Variants in DACH1 observed in about 807,000 individuals in gnomAD.
DACH1 encodes the protein dachshund family transcription factor 1.
In DACH1, 12 loss-of-function variants were observed where a neutral mutation model predicts 54.2. The observed-to-expected ratio is 0.22, with a 90% CI of 0.14 to 0.36. DACH1 has a LOEUF of 0.36. DACH1 is among the 10% of genes least tolerant of loss of function. The pLI is 1.00. For synonymous variants in DACH1, 386 were observed against 366.2 expected, an observed-to-expected ratio of 1.05 and a Z score of -0.62; for missense variants, 805 against 929.8, an observed-to-expected ratio of 0.87 and a Z score of 1.75.
chr13:71,795,719 C>T (rs1477468707), intron 1 of DACH1, among the ~76,000 whole-genome samples: 1 of 152,114 alleles, frequency 6.6e-6, no homozygotes, highest in African/African-American at 2.4e-5. Flanking sequence ...CTTTCCAAGC[C>T]ACTTGTATGA....
At chr13:71,719,821 C>T (rs145010734) in intron 1 of DACH1, among the ~76,000 whole-genome samples, 22 of 152,118 alleles carry the variant, frequency 1.4e-4, no homozygotes, top group Non-Finnish European at 2.1e-4. Context: ...GCTGTGATCA[C>T]GCCACTGCAC....
intron 1 of DACH1, among the ~76,000 whole-genome samples, chr13:71,722,748 T>C: frequency 6.6e-6 from 1 of 152,154 alleles, no homozygotes; most frequent in Non-Finnish European, 1.5e-5. Flanking sequence ...GGTCAGAAGG[T>C]ACAGGTTTCA....
intron 1 of DACH1, among the ~76,000 whole-genome samples, chr13:71,824,124 G>A (rs1178881986): frequency 6.6e-6 from 1 of 151,800 alleles, no homozygotes; most frequent in Non-Finnish European, 1.5e-5. Context: ...TACCTACGTT[G>A]AGACTCTTCA....
At chr13:71,826,778 C>T (rs1888401695) in intron 1 of DACH1, among the ~76,000 whole-genome samples, 1 of 151,984 alleles carries the variant, frequency 6.6e-6, no homozygotes, top group African/African-American at 2.4e-5. Context: ...CAGAAATTGC[C>T]ACTTTCTTAA....
chr13:71,623,138 GA>G (rs1271358766), intron 3 of DACH1, among the ~76,000 whole-genome samples: 1 of 151,534 alleles, frequency 6.6e-6, no homozygotes, highest in South Asian at 2.1e-4. Flanking sequence ...ATTTCAAAGT[GA>G]AAAATGATTT....
At chr13:71,574,773 A>C (rs1404346603) in intron 3 of DACH1, among the ~76,000 whole-genome samples, 3 of 152,080 alleles carry the variant, frequency 2.0e-5, no homozygotes, top group Non-Finnish European at 4.4e-5. Flanking sequence ...TTTTACAAGA[A>C]ACCATGACAG....
At chr13:71,600,123 C>T (rs556725085) in intron 3 of DACH1, among the ~76,000 whole-genome samples, 56 of 152,090 alleles carry the variant, frequency 3.7e-4, no homozygotes, top group African/African-American at 1.3e-3. Flanking sequence ...TTCAGATATG[C>T]TTGATCAATA....
chr13:71,594,195 G>A (rs920984016), intron 3 of DACH1, among the ~76,000 whole-genome samples: 4 of 151,392 alleles, frequency 2.6e-5, no homozygotes, highest in Admixed American at 6.6e-5. Context: ...AAAGTCTTGG[G>A]ATTCTATCTG....
chr13:71,464,224 A>C (rs1876352139), intron 10 of DACH1, among the ~76,000 whole-genome samples: 1 of 151,996 alleles, frequency 6.6e-6, no homozygotes, highest in Non-Finnish European at 1.5e-5. Context: ...TAACATTGTC[A>C]TTAAAAAAAA....
At chr13:71,690,821 A>T (rs1434581536) in intron 1 of DACH1, among the ~76,000 whole-genome samples, 1 of 151,972 alleles carries the variant, frequency 6.6e-6, no homozygotes, top group Non-Finnish European at 1.5e-5. Context: ...AGTCCCAGCT[A>T]CTCAAGAGGC....
chr13:71,542,063 C>A (rs1355134055), intron 6 of DACH1, among the ~76,000 whole-genome samples: 1 of 150,716 alleles, frequency 6.6e-6, no homozygotes, highest in Non-Finnish European at 1.5e-5. Context: ...GCCTGACCAA[C>A]ATGGTGAAAC....
rs557854678 is a variant in DACH1 at position 71,772,624 on chromosome 13, C to G, written c.849-90714G>C. On this transcript the variant is annotated intron_variant, in intron 1 of 10. Coordinates refer to ENST00000613252, the MANE Select transcript of DACH1 (RefSeq NM_080759.6). ...CAGAACATGCTTTTTCTCATTGAGG[C>G]AATATCCTGGTTTTAGCTGACAAAT... Among the ~76,000 whole-genome samples, 8 of 151,806 alleles carry G rather than the reference C, an allele frequency of 5.3e-5. No individual in the cohort carries two copies. In the East Asian group the frequency reaches 1.5e-3, roughly 29 times the overall value.
intron 1 of DACH1, among the ~76,000 whole-genome samples, chr13:71,844,962 C>T (rs1273037212): frequency 6.6e-6 from 1 of 151,914 alleles, no homozygotes; most frequent in Non-Finnish European, 1.5e-5. Flanking sequence ...CTGGGAAGGG[C>T]AGGAGAAAGG....
In DACH1 at chr13:71,756,889, G is replaced by A. The variant is rs569651479; in HGVS notation, c.849-74979C>T. On this transcript the variant is annotated intron_variant, in intron 1 of 10. Coordinates refer to ENST00000613252, the MANE Select transcript of DACH1 (RefSeq NM_080759.6). ...ATAGAGACGTCAAATTGGGATATAT[G>A]CTTGCCTGGATGTTGTTCACTTGTG... 5.9e-5 allele frequency among the ~76,000 whole-genome samples: 9 copies of A among 152,228 alleles called. No individual in the cohort carries two copies. The South Asian group carries it at 1.7e-3, about 28-fold the overall frequency.
intron 2 of DACH1, among the ~76,000 whole-genome samples, chr13:71,643,487 T>C (rs1243483067): frequency 1.3e-5 from 2 of 152,190 alleles, no homozygotes; most frequent in Non-Finnish European, 2.9e-5. Flanking sequence ...TCAAAAGCAA[T>C]AGATTCTCAG....
intron 2 of DACH1, among the ~76,000 whole-genome samples, chr13:71,669,284 C>T (rs578151077): frequency 1.3e-5 from 2 of 152,230 alleles, no homozygotes; most frequent in East Asian, 1.9e-4. Flanking sequence ...TTTGAAGCCA[C>T]TCCCCATTGT....
At chr13:71,586,518 C>T (rs1312233878) in intron 3 of DACH1, among the ~76,000 whole-genome samples, 1 of 152,028 alleles carries the variant, frequency 6.6e-6, no homozygotes, top group Non-Finnish European at 1.5e-5. Context: ...AATACTCTGA[C>T]ATTGAAACAG....
At chr13:71,470,237 C>A (rs909810212) in intron 10 of DACH1, among the ~76,000 whole-genome samples, 1 of 151,406 alleles carries the variant, frequency 6.6e-6, no homozygotes, top group African/African-American at 2.4e-5. Flanking sequence ...AAAATGCAAA[C>A]GAAGAATAAA....
intron 6 of DACH1, among the ~76,000 whole-genome samples, chr13:71,543,687 A>G (rs1341733734): frequency 2.6e-5 from 4 of 152,076 alleles, no homozygotes; most frequent in African/African-American, 9.7e-5. Context: ...ATTTTTCTAG[A>G]TATAAGGGGG....
Sources: gnomAD v4.1 joint callset for allele counts (sites outside exome capture counted in the v4.1 genomes callset) on GRCh38, gnomAD v4.1.1 for gene constraint, MANE v1.5 for transcripts, NCBI Gene and HGNC (gene_info 2026-07-23, HGNC 2026-07-21) for gene names.